Variants in GBP4 observed in about 807,000 individuals in gnomAD.
The protein encoded by GBP4 is guanylate binding protein 4, also known as guanylate-binding protein 4.
Under a neutral mutation model 62.2 loss-of-function variants are expected in GBP4, and 69 were observed. That is an observed-to-expected ratio of 1.11 (90% CI 0.91 to 1.36). GBP4 has a LOEUF of 1.36. Among genes scored for constraint, GBP4 ranks in the 40% most tolerant of loss-of-function variants. The probability of loss-of-function intolerance (pLI) is 0.00; values close to 1 mark genes in which losing one functional copy is unlikely to be tolerated. For missense variants in GBP4, 697 were observed against 759.3 expected (o/e 0.92, Z 0.96); for synonymous variants, 278 against 274.6 (o/e 1.01, Z -0.12).
At chr1:89,185,556 C>A (rs1169184574) in intron 10 of GBP4, 87 bp from the exon 11 acceptor site, 2 of 709,168 alleles carry the variant, frequency 2.8e-6, no homozygotes, top group Non-Finnish European at 4.9e-6. Flanking sequence ...AACGTTTAAG[C>A]ATATGTGTCT....
rs1648176922 is a variant in GBP4 at position 89,191,338 on chromosome 1, G to T, written c.839C>A (p.Ser280Ter). 1.9e-6 allele frequency: 3 copies of T among 1,614,088 alleles called. No homozygotes were observed. In the South Asian group the frequency reaches 3.3e-5, roughly 18 times the overall value. Residue 280 changes from serine (S) to a stop codon, truncating the protein, a stop_gained, in exon 6 of 11, where the codon TCA becomes TAA. Transcript: ENST00000355754. LOFTEE classifies it high-confidence loss of function. ...GAAGATATAAGAACAGAAGTTGTCT[G>T]ATTGCATAAGGAAATGCCTTTCCAG... ...ENLERHFLMQ[S>*]DNFCSYIFTH...
Position 89,185,467 on chromosome 1 carries a change from T to C in GBP4, c.1710A>G (p.Val570=). Residue 570 remains valine (V), a splice_region_variant and synonymous_variant, in exon 11 of 11, where the codon GTA becomes GTG. Coordinates refer to ENST00000355754, the MANE Select transcript of GBP4 (RefSeq NM_052941.5). ...HERLLKHKLK[V]QEEMLKEEFQ... ...ATTCTTCCTTAAGCATTTCTTCTTG[T>C]ACCTATAAAAGGGAAATAGTCCACT... is the stretch of plus-strand genomic sequence containing the variant. The C allele has an allele frequency of 6.7e-7, 1 of 1,500,846 alleles. No individual in the cohort carries two copies. The highest frequency in any genetic ancestry group is 2.0e-4 in the Middle Eastern group (1 of 5,112). The allele number at this position is 1,500,846 out of a possible 1,614,324, so 93.0% of individuals were successfully genotyped here.
At chr1:89,191,077 T>C (rs769162626) in intron 6 of GBP4, among the ~76,000 whole-genome samples, 184 bp downstream of exon 6, 2 of 152,212 alleles carry the variant, frequency 1.3e-5, no homozygotes, top group Non-Finnish European at 2.9e-5. Flanking sequence ...ATATTAGGCC[T>C]CAAGAAAGTT....
At position 89,186,896 on chromosome 1, in the gene GBP4, G is replaced by A; in HGVS notation, c.1513+104C>T. On this transcript the variant is annotated intron_variant, in intron 9 of 10. Transcript: ENST00000355754. ...ATTAATATTTTAACTCAATGTTTGT[G>A]ACTTTTGAAGCTCCTTTTAACTGGA... 3 of 1,017,002 alleles carry A rather than the reference G, an allele frequency of 2.9e-6. No individual in the cohort carries two copies. In the South Asian group the frequency reaches 4.4e-5, roughly 15 times the overall value. The allele number at this position is 1,017,002 out of a possible 1,614,324, so 63.0% of individuals were successfully genotyped here.
Position 89,198,869 on chromosome 1 carries a change from CG to C in GBP4, c.-36del, listed in dbSNP as rs754722034. The C allele has an allele frequency of 1.4e-5, 23 of 1,606,718 alleles. No individual in the cohort carries two copies. The highest frequency in any genetic ancestry group is 2.0e-5 in the Non-Finnish European group (23 of 1,173,188). On this transcript the variant is annotated 5_prime_UTR_variant, in exon 1 of 11. Coordinates refer to ENST00000355754, the MANE Select transcript of GBP4 (RefSeq NM_052941.5). ...CTCCTGCGCCTGGATCCTCGAGAAACGGACTGTTCTTAGAAGCTGAAAGTCC... is the reference window on the plus strand; with the variant it reads ...CTCCTGCGCCTGGATCCTCGAGAAACGACTGTTCTTAGAAGCTGAAAGTCC...
rs542414272 is a variant in GBP4, at chr1:89,190,363, A to T, written c.917-45T>A. 2.1e-5 allele frequency: 31 copies of T among 1,489,928 alleles called. 1 individual carries two copies. In the South Asian group the frequency reaches 4.2e-4, roughly 20 times the overall value. The allele number at this position is 1,489,928 out of a possible 1,614,324, so 92.3% of individuals were successfully genotyped here. A position where few individuals can be genotyped will look rare whatever the true frequency, so the allele number is the denominator to read the frequency against. ...GGAAAATTTACAGTTCTTACTCATT[A>T]TTTATACAAGTTTTAAGAGTCAGCA... On this transcript the variant is annotated intron_variant, in intron 6 of 10. Transcript: ENST00000355754.
chr1:89,191,644 C>T (rs973461812), intron 5 of GBP4, 138 bp from the exon 6 acceptor site: 8 of 864,036 alleles, frequency 9.3e-6, no homozygotes, highest in Admixed American at 2.9e-5. Context: ...ACAAAACAGC[C>T]TTGTGCTAAT....
intron 2 of GBP4, among the ~76,000 whole-genome samples, chr1:89,196,162 A>T (rs916046162): frequency 1.3e-5 from 2 of 152,350 alleles, no homozygotes; most frequent in African/African-American, 4.8e-5. Context: ...CATTAAAGAT[A>T]AAAACTGGAA....
chr1:89,185,395 T>C lies in GBP4; in HGVS notation c.1782A>G (p.Lys594=). The C allele has an allele frequency of 6.3e-7, 1 of 1,591,448 alleles. No individual in the cohort carries two copies. The highest frequency in any genetic ancestry group is 8.6e-7 in the Non-Finnish European group (1 of 1,159,378). ...EQLNKEINQL[K]EKIESTKNEQ... ...CATTTTTAGTGCTTTCAATTTTTTC[T>C]TTCAGTTGATTAATCTCTTTATTTA... Residue 594 remains lysine, a synonymous_variant, in exon 11 of 11, where the codon AAA becomes AAG. Transcript: ENST00000355754.
intron 3 of GBP4, among the ~76,000 whole-genome samples, chr1:89,194,739 G>C (rs1178835230): frequency 2.0e-5 from 3 of 152,200 alleles, no homozygotes; most frequent in Non-Finnish European, 4.4e-5. Context: ...AGCTCAGAGA[G>C]TTGAACCAAA....
At chr1:89,198,576 T>C in intron 1 of GBP4, 2 of 561,622 alleles carry the variant, frequency 3.6e-6, no homozygotes, top group Non-Finnish European at 6.4e-6. Flanking sequence ...GCGCCTCTGG[T>C]CGCCGCCTGT....
Position 89,193,113 on chromosome 1 carries a change from C to G in GBP4, c.474-13G>C, listed in dbSNP as rs1219517212. 6.2e-7 allele frequency: 1 copy of G among 1,612,972 alleles called. No individual in the cohort carries two copies. Among genetic ancestry groups the G allele is most frequent in the Non-Finnish European group, 8.5e-7 (1 of 1,179,216 alleles). ...CTCAGTCACATAGCTGGGATCTCAGCTAAGGAAGGATAGCACCCTACACCA... is the reference window on the plus strand; with the variant it reads ...CTCAGTCACATAGCTGGGATCTCAGGTAAGGAAGGATAGCACCCTACACCA... On this transcript the variant is annotated splice_polypyrimidine_tract_variant and intron_variant, in intron 4 of 10. Transcript: ENST00000355754.
At chr1:89,185,504 C>G in intron 10 of GBP4, 35 bp from the exon 11 acceptor site, 2 of 1,152,152 alleles carry the variant, frequency 1.7e-6, no homozygotes, top group Non-Finnish European at 2.6e-6. Context: ...TTGAAAATCT[C>G]CAATTTTCTT....
At position 89,185,359 on chromosome 1, in the gene GBP4, C is replaced by A. The variant is rs781622679; in HGVS notation, c.1818G>T (p.Arg606Ser). The change falls in exon 11 of 11, where the codon AGG becomes AGT. Residue 606 changes from arginine to serine, a missense_variant. Physicochemically the swap from Arg to Ser is moderately radical, Grantham distance 110. Transcript: ENST00000355754. ...KIESTKNEQL[R>S]LLKILDMASN... is the part of the protein sequence containing the mutation. ...TAGCCATGTCAAGGATCTTTAAGAG[C>A]CTTAACTGTTCATTTTTAGTGCTTT... 1 of 1,609,272 alleles carries A rather than the reference C, an allele frequency of 6.2e-7. No homozygotes were observed. The highest frequency in any genetic ancestry group is 1.1e-5 in the South Asian group (1 of 90,982).
intron 4 of GBP4, 74 bp downstream of exon 4, chr1:89,193,229 G>A (rs563179550): frequency 3.3e-6 from 5 of 1,535,690 alleles, no homozygotes; most frequent in Admixed American, 1.7e-5. Context: ...CTGAGTCACA[G>A]CAAAGAAGAC....
intron 10 of GBP4, among the ~76,000 whole-genome samples, chr1:89,185,715 C>G (rs1166788970): frequency 6.6e-6 from 1 of 152,162 alleles, no homozygotes; most frequent in East Asian, 1.9e-4. Context: ...TTTGTTCCAG[C>G]ACAAAGAATG....
chr1:89,191,370 T>G lies in GBP4; in HGVS notation c.807A>C (p.Glu269Asp). The change falls in exon 6 of 11, where the codon GAA (glutamate) becomes GAC (aspartate). Residue 269 changes from glutamate (E) to aspartate (D), a missense_variant. Coordinates refer to ENST00000355754, the MANE Select transcript of GBP4 (RefSeq NM_052941.5). ...TAAGGAAATGCCTTTCCAGATTTTC[T>G]TCTGGCACTTCGTCCATATGATTTA... ...QYLNHMDEVP[E>D]ENLERHFLMQ... is the part of the protein sequence containing the mutation. 6 of 1,614,262 alleles carry G rather than the reference T, an allele frequency of 3.7e-6. No individual in the cohort carries two copies. The highest frequency in any genetic ancestry group is 5.1e-6 in the Non-Finnish European group (6 of 1,180,038).
At chr1:89,193,803 G>T (rs748494383) in intron 3 of GBP4, among the ~76,000 whole-genome samples, 1 of 152,138 alleles carries the variant, frequency 6.6e-6, no homozygotes, top group Admixed American at 6.5e-5. Flanking sequence ...CCCTGCATTT[G>T]GTTTTGTGGA....
chr1:89,186,465 C>T lies in GBP4; in HGVS notation c.1575G>A (p.Lys525=). Residue 525 remains lysine, a synonymous_variant, in exon 10 of 11, where the codon AAG becomes AAA. Transcript: ENST00000355754. ...KEQELLREKQ[K]EQQQMMEAQE... is the part of the protein sequence containing the mutation. Reference sequence around the variant, plus strand: ...GAGCCTCCATCATTTGCTGCTGCTCCTTCTGTTTTTCTCTTAGCAGCTCCT... The same window carrying T: ...GAGCCTCCATCATTTGCTGCTGCTCTTTCTGTTTTTCTCTTAGCAGCTCCT... 1 of 1,614,076 alleles carries T rather than the reference C, an allele frequency of 6.2e-7. No individual in the cohort carries two copies. Among genetic ancestry groups the T allele is most frequent in the Non-Finnish European group, 8.5e-7 (1 of 1,179,972 alleles).
Sources: gnomAD v4.1 joint callset for allele counts (sites outside exome capture counted in the v4.1 genomes callset) on GRCh38, gnomAD v4.1.1 for gene constraint, MANE v1.5 for transcripts, NCBI Gene and HGNC (gene_info 2026-07-23, HGNC 2026-07-21) for gene names.